Variants in ESRRG observed in about 807,000 individuals in gnomAD.
The protein encoded by ESRRG is estrogen related receptor gamma, also known as estrogen-related receptor gamma.
In ESRRG, 13 loss-of-function variants were observed where a neutral mutation model predicts 44.0. The observed-to-expected ratio is 0.30, with a 90% confidence interval of 0.19 to 0.47. ESRRG has a LOEUF of 0.47. Among genes scored for constraint, ESRRG ranks in the 20% least tolerant of loss-of-function variants. ESRRG has a pLI of 1.00. For synonymous variants in ESRRG, 215 were observed against 214.6 expected, an observed-to-expected ratio of 1.00 and a Z score of -0.02; for missense variants, 395 against 580.6, an observed-to-expected ratio of 0.68 and a Z score of 3.29.
At chr1:216,956,784 T>C (rs2068037776) in intron 1 of ESRRG, among the ~76,000 whole-genome samples, 1 of 152,152 alleles carries the variant, frequency 6.6e-6, no homozygotes, top group Admixed American at 6.6e-5. Flanking sequence ...AATAAAATCT[T>C]GAAAGCTAAC....
At chr1:216,833,220 A>T (rs1577052547) in intron 2 of ESRRG, among the ~76,000 whole-genome samples, 2 of 93,274 alleles carry the variant, frequency 2.1e-5, no homozygotes, top group African/African-American at 1.1e-4. Context: ...CATATTTTCT[A>T]AAAAAAAACA....
chr1:216,620,747 G>C (rs1427851759), intron 3 of ESRRG, among the ~76,000 whole-genome samples: 3 of 152,122 alleles, frequency 2.0e-5, no homozygotes, highest in Non-Finnish European at 4.4e-5. Context: ...TTTAGAAGAA[G>C]GTGCATTGCT....
At chr1:216,960,561 G>A (rs914338914) in intron 1 of ESRRG, among the ~76,000 whole-genome samples, 2 of 149,294 alleles carry the variant, frequency 1.3e-5, no homozygotes, top group Admixed American at 6.7e-5. Context: ...TCAATACTAC[G>A]CTTTTATGAC....
At chr1:216,591,061 G>A (rs991322980) in intron 3 of ESRRG, among the ~76,000 whole-genome samples, 3 of 152,068 alleles carry the variant, frequency 2.0e-5, no homozygotes, top group African/African-American at 4.8e-5. Flanking sequence ...AAAGGGTGAG[G>A]AGAACCTCTT....
chr1:217,037,106 C>G (rs921726940), intron 1 of ESRRG, among the ~76,000 whole-genome samples: 1 of 152,172 alleles, frequency 6.6e-6, no homozygotes, highest in Non-Finnish European at 1.5e-5. Flanking sequence ...TCCCTGATAA[C>G]AAATATTCAG....
chr1:216,533,275 A>C (rs1242392862), intron 5 of ESRRG, among the ~76,000 whole-genome samples: 1 of 151,580 alleles, frequency 6.6e-6, no homozygotes, highest in African/African-American at 2.4e-5. Flanking sequence ...GATGAAAAAA[A>C]AATAAAAGGT....
intron 2 of ESRRG, among the ~76,000 whole-genome samples, chr1:216,918,872 T>TGTATATATATA (rs780391186): frequency 1.3e-5 from 2 of 148,444 alleles, no homozygotes; most frequent in Non-Finnish European, 3.0e-5. Flanking sequence ...TATAGATATG[T>TGTATATATATA]GTATATATAT....
At chr1:217,001,067 T>A (rs935400843) in intron 1 of ESRRG, among the ~76,000 whole-genome samples, 1 of 152,250 alleles carries the variant, frequency 6.6e-6, no homozygotes, top group East Asian at 1.9e-4. Context: ...CCCTATACTT[T>A]AATACTCCCA....
chr1:216,593,602 C>T (rs990078933), intron 3 of ESRRG, among the ~76,000 whole-genome samples: 11 of 152,220 alleles, frequency 7.2e-5, no homozygotes, highest in Admixed American at 6.5e-5. Flanking sequence ...GCTCTCTACA[C>T]TTCTGTAAAG....
intron 1 of ESRRG, among the ~76,000 whole-genome samples, chr1:217,103,480 T>C (rs1366742436): frequency 7.3e-6 from 1 of 137,678 alleles, no homozygotes; most frequent in East Asian, 2.3e-4. Context: ...ACCTCATCTC[T>C]ACAAAAAAAA....
At chr1:216,798,648 G>T (rs999680098) in intron 2 of ESRRG, among the ~76,000 whole-genome samples, 3 of 152,150 alleles carry the variant, frequency 2.0e-5, no homozygotes, top group African/African-American at 7.2e-5. Flanking sequence ...TGGTTAGGAG[G>T]CCTTTGCAGA....
chr1:216,968,333 T>C (rs2070886864), intron 1 of ESRRG, among the ~76,000 whole-genome samples: 1 of 152,186 alleles, frequency 6.6e-6, no homozygotes, highest in African/African-American at 2.4e-5. Context: ...TTTTCTCATA[T>C]GTTCTCTTCT....
In ESRRG at chr1:217,098,951, G is replaced by A. The variant is rs147003280; in HGVS notation, c.-230+38716C>T. Among the ~76,000 whole-genome samples, 334 of 152,242 alleles carry A rather than the reference G, an allele frequency of 2.2e-3. 3 individuals are homozygous for A. Among genetic ancestry groups the A allele is most frequent in the African/African-American group, 7.6e-3 (315 of 41,532 alleles). ...TTAAAACAGAAACATCACCTTGCCC[G>A]CAGCCCAGTCCTCACCTACTTTCCT... On this transcript the variant is annotated intron_variant, in intron 1 of 8. Transcript: ENST00000366940.
intron 1 of ESRRG, among the ~76,000 whole-genome samples, chr1:217,097,205 A>G (rs2092437394): frequency 6.6e-6 from 1 of 152,078 alleles, no homozygotes; most frequent in African/African-American, 2.4e-5. Context: ...CAGACCCATG[A>G]AGCTTATCCC....
At chr1:217,075,202 T>A (rs2091121195) in intron 1 of ESRRG, among the ~76,000 whole-genome samples, 1 of 152,212 alleles carries the variant, frequency 6.6e-6, no homozygotes, top group South Asian at 2.1e-4. Context: ...AGGGTCAAGA[T>A]AATAATGAAA....
At chr1:216,747,558 C>T (rs1317221002) in intron 2 of ESRRG, among the ~76,000 whole-genome samples, 1 of 152,170 alleles carries the variant, frequency 6.6e-6, no homozygotes, top group Non-Finnish European at 1.5e-5. Context: ...GGTAGAGCAA[C>T]TGGGTATATG....
At chr1:217,131,683 T>C (rs1019451723) in intron 1 of ESRRG, among the ~76,000 whole-genome samples, 1 of 152,238 alleles carries the variant, frequency 6.6e-6, no homozygotes, top group African/African-American at 2.4e-5. Context: ...CTTCTAAAAA[T>C]GCTCAGCCAG....
chr1:216,984,122 T>C (rs929858868), intron 1 of ESRRG, among the ~76,000 whole-genome samples: 2 of 152,198 alleles, frequency 1.3e-5, no homozygotes, highest in Non-Finnish European at 2.9e-5. Context: ...TTCCCATGTG[T>C]AGAATTCAAG....
chr1:216,538,850 A>C lies in ESRRG; in HGVS notation c.863-19429T>G, dbSNP rs553345357. 2.6e-3 allele frequency among the ~76,000 whole-genome samples: 391 copies of C among 152,142 alleles called. 2 individuals are homozygous for C. The highest frequency in any genetic ancestry group is 8.9e-3 in the African/African-American group (370 of 41,518). ...TAAATAAAGTCCATAAGATAATAGAAAATAAGCTCAGGAAATGATTTTAGA... is the reference window on the plus strand; with the variant it reads ...TAAATAAAGTCCATAAGATAATAGACAATAAGCTCAGGAAATGATTTTAGA... On this transcript the variant is annotated intron_variant, in intron 5 of 6. Transcript: ENST00000408911.
Sources: gnomAD v4.1 joint callset for allele counts (sites outside exome capture counted in the v4.1 genomes callset) on GRCh38, gnomAD v4.1.1 for gene constraint, MANE v1.5 for transcripts, NCBI Gene and HGNC (gene_info 2026-07-23, HGNC 2026-07-21) for gene names.